The following COX7A2 variants were observed in gnomAD, a reference collection of about 807,000 sequenced individuals.
COX7A2 encodes cytochrome c oxidase subunit 7A2, also known as cytochrome c oxidase subunit 7A2, mitochondrial.
A neutral mutation model predicts 11.6 loss-of-function variants in COX7A2; 11 were observed. The ratio of observed to expected loss-of-function variants is 0.95; its 90% CI spans 0.60 to 1.57. The LOEUF (loss-of-function observed/expected upper bound fraction) is 1.57, where lower values mean the gene tolerates loss of function less well. Among genes scored for constraint, COX7A2 ranks in the 40% most tolerant of loss-of-function variants. The pLI, the probability that COX7A2 is intolerant of heterozygous loss-of-function variation, is 0.00. For missense variants in COX7A2, 106 were observed against 100.9 expected (o/e 1.05, Z -0.22); for synonymous variants, 30 against 38.2 (o/e 0.78, Z 0.79).
intron 2 of COX7A2, 199 bp from the exon 3 acceptor site, chr6:75,240,584 A>G: frequency 2.1e-6 from 1 of 467,080 alleles, no homozygotes; most frequent in Non-Finnish European, 3.7e-6. Context: ...AGAATTCCTA[A>G]AAGTCAGCAT....
chr6:75,246,493 C>G (rs756995395), upstream of COX7A2, among the ~76,000 whole-genome samples: 3 of 152,138 alleles, frequency 2.0e-5, no homozygotes, highest in Non-Finnish European at 4.4e-5. Flanking sequence ...AACGGGTTTC[C>G]CTGTTTCCAC....
intron 1 of COX7A2, 104 bp downstream of exon 1, chr6:75,243,613 C>A: frequency 1.9e-6 from 2 of 1,060,546 alleles, no homozygotes; most frequent in Admixed American, 2.0e-5. Context: ...ACTTCATTAG[C>A]CGCCTTCGGC....
intron 1 of COX7A2, among the ~76,000 whole-genome samples, chr6:75,249,730 G>GT (rs1474637700): frequency 6.6e-6 from 1 of 152,218 alleles, no homozygotes; most frequent in African/African-American, 2.4e-5. Context: ...TGAGGTAACA[G>GT]TGGAAGGCTG....
At chr6:75,239,956 C>A (rs1771440163) in intron 3 of COX7A2, among the ~76,000 whole-genome samples, 1 of 152,090 alleles carries the variant, frequency 6.6e-6, no homozygotes, top group African/African-American at 2.4e-5. Flanking sequence ...ACAAAATTAG[C>A]CAGGCATGGT....
chr6:75,237,840 TC>T lies in COX7A2; in HGVS notation c.*89del. ...GTTACTACAAGTCAATAAATATTGA[TC>T]CCCAAAGAAGAGCTCGGTTATTTAT... On this transcript the variant is annotated 3_prime_UTR_variant, in exon 4 of 4. Transcript: ENST00000684430. 1 of 905,710 alleles carries T rather than the reference TC, an allele frequency of 1.1e-6. No homozygotes were observed. The highest frequency in any genetic ancestry group is 1.5e-5 in the South Asian group (1 of 65,360). The allele number at this position is 905,710 out of a possible 1,614,324, so 56.1% of individuals were successfully genotyped here. A position where few individuals can be genotyped will look rare whatever the true frequency, so the allele number is the denominator to read the frequency against.
upstream of COX7A2, among the ~76,000 whole-genome samples, chr6:75,247,509 A>C (rs1357875798): frequency 6.6e-6 from 1 of 152,228 alleles, no homozygotes; most frequent in Non-Finnish European, 1.5e-5. Flanking sequence ...ACTTTTGGAC[A>C]TCAGGAAACA....
intron 1 of COX7A2, among the ~76,000 whole-genome samples, chr6:75,242,098 G>C (rs896547847): frequency 3.3e-5 from 5 of 152,078 alleles, no homozygotes; most frequent in African/African-American, 1.2e-4. Flanking sequence ...TAATCGGGAG[G>C]CTAAGGCAGG....
upstream of COX7A2, among the ~76,000 whole-genome samples, chr6:75,247,562 T>C (rs1771706728): frequency 1.4e-5 from 2 of 147,588 alleles, no homozygotes; most frequent in South Asian, 4.4e-4. Flanking sequence ...TTAAATACTT[T>C]AATTGCAAGC....
At chr6:75,238,956 A>T (rs1771407078) in intron 3 of COX7A2, among the ~76,000 whole-genome samples, 1 of 151,850 alleles carries the variant, frequency 6.6e-6, no homozygotes, top group African/African-American at 2.4e-5. Context: ...CTGGGATTGC[A>T]AGTGTGTGCC....
upstream of COX7A2, among the ~76,000 whole-genome samples, chr6:75,245,543 T>G (rs187451580): frequency 6.7e-6 from 1 of 149,808 alleles, no homozygotes. Flanking sequence ...AAAGTAGACA[T>G]AGATTCTTGT....
At chr6:75,239,625 G>A (rs915254643) in intron 3 of COX7A2, among the ~76,000 whole-genome samples, 5 of 152,172 alleles carry the variant, frequency 3.3e-5, no homozygotes, top group African/African-American at 7.2e-5. Flanking sequence ...TCTGTACAAA[G>A]TTTAGATGTA....
At chr6:75,242,531 A>G (rs1017375358) in intron 1 of COX7A2, among the ~76,000 whole-genome samples, 1 of 151,396 alleles carries the variant, frequency 6.6e-6, no homozygotes, top group African/African-American at 2.4e-5. Context: ...AAAATAAAAA[A>G]ATAAAAAAGG....
exon 1 of COX7A2, chr6:75,250,193 G>C (rs983200682): frequency 6.6e-6 from 1 of 152,132 alleles, no homozygotes; most frequent in Admixed American, 6.5e-5. Flanking sequence ...ACTAACTTAG[G>C]TTAATTCATT....
Position 75,243,764 on chromosome 6 carries a change from A to T in COX7A2, c.-30T>A. The T allele has an allele frequency of 6.2e-7, 1 of 1,614,080 alleles. No individual in the cohort carries two copies. The highest frequency in any genetic ancestry group is 8.5e-7 in the Non-Finnish European group (1 of 1,179,938). On this transcript the variant is annotated 5_prime_UTR_variant, in exon 1 of 4. Transcript: ENST00000684430. Reference sequence around the variant, plus strand: ...GCTGTTACTGACCAGCAACCGCCACAACTGAACACCACCAACGAAAATGGC... The same window carrying T: ...GCTGTTACTGACCAGCAACCGCCACTACTGAACACCACCAACGAAAATGGC...
Position 75,237,884 on chromosome 6 carries a change from G to A in COX7A2, c.*46C>T. 2.0e-6 allele frequency: 3 copies of A among 1,471,252 alleles called. No homozygotes were observed. The highest frequency in any genetic ancestry group is 2.8e-6 in the Non-Finnish European group (3 of 1,054,470). 91.1% of individuals were successfully genotyped at this position (1,471,252 alleles called of 1,614,324 possible). ...TTATTTATCAGATTACTGGTCCATA[G>A]AGAGCTGAATGAAACTGAACCAAGC... is the stretch of plus-strand genomic sequence containing the variant. On this transcript the variant is annotated 3_prime_UTR_variant, in exon 4 of 4. Coordinates refer to ENST00000684430, the MANE Select transcript of COX7A2 (RefSeq NM_001366293.2).
At chr6:75,246,391 G>T (rs1562376083), upstream of COX7A2, among the ~76,000 whole-genome samples, 1 of 152,062 alleles carries the variant, frequency 6.6e-6, no homozygotes, top group Non-Finnish European at 1.5e-5. Context: ...AATATAATCT[G>T]AATTGAACCA....
chr6:75,246,959 G>T (rs535490551), upstream of COX7A2, among the ~76,000 whole-genome samples: 29 of 152,148 alleles, frequency 1.9e-4, no homozygotes, highest in Non-Finnish European at 4.0e-4. Flanking sequence ...TCAGTTTGGG[G>T]TTCTTTTATC....
At position 75,243,781 on chromosome 6, in the gene COX7A2, G is replaced by A. The variant is rs200753352; in HGVS notation, c.-47C>T. The A allele has an allele frequency of 9.9e-6, 16 of 1,613,950 alleles. No homozygotes were observed. In the African/African-American group the frequency reaches 1.3e-4, roughly 13 times the overall value. On this transcript the variant is annotated 5_prime_UTR_variant, in exon 1 of 4. Transcript: ENST00000684430. ...ACCGCCACAACTGAACACCACCAACGAAAATGGCCACGCCGGAACCGGAAC... is the reference window on the plus strand; with the variant it reads ...ACCGCCACAACTGAACACCACCAACAAAAATGGCCACGCCGGAACCGGAAC...
intron 1 of COX7A2, among the ~76,000 whole-genome samples, chr6:75,241,471 A>C (rs888916699): frequency 1.3e-5 from 2 of 152,246 alleles, no homozygotes; most frequent in African/African-American, 4.8e-5. Flanking sequence ...GTCTCCAAAT[A>C]ACATATTCAA....
Sources: allele counts gnomAD v4.1 joint callset (sites outside exome capture counted in the v4.1 genomes callset), GRCh38; gene constraint gnomAD v4.1.1; transcripts MANE v1.5; gene names NCBI Gene and HGNC (gene_info 2026-07-23, HGNC 2026-07-21).